The following FBXO11 variants were observed in gnomAD, a reference collection of about 807,000 sequenced individuals.
FBXO11 encodes the protein F-box only protein 11.
Under a neutral mutation model 117.0 loss-of-function variants are expected in FBXO11, and 13 were observed. That is an observed-to-expected ratio of 0.11 (90% CI 0.07 to 0.18). FBXO11 has a LOEUF of 0.18. Among genes scored for constraint, FBXO11 ranks in the 10% least tolerant of loss-of-function variants. The pLI is 1.00. For missense variants in FBXO11, 767 were observed against 1,164.4 expected, an observed-to-expected ratio of 0.66 and a Z score of 4.97; for synonymous variants, 490 against 380.5, an observed-to-expected ratio of 1.29 and a Z score of -3.35.
At chr2:47,827,713 T>C (rs1671864168) in intron 11 of FBXO11, among the ~76,000 whole-genome samples, 1 of 149,498 alleles carries the variant, frequency 6.7e-6, no homozygotes, top group Non-Finnish European at 1.5e-5. Context: ...TTTTTTTTTT[T>C]TTTGAGGTGG....
intron 1 of FBXO11, chr2:47,888,779 A>C: frequency 2.9e-6 from 1 of 345,084 alleles, no homozygotes; most frequent in Non-Finnish European, 4.1e-6. Context: ...CAGAACCTCA[A>C]CTGTAGCCCC....
chr2:47,838,836 A>G (rs750195427), intron 4 of FBXO11, 23 bp downstream of exon 4: 4 of 1,598,948 alleles, frequency 2.5e-6, no homozygotes, highest in Non-Finnish European at 3.4e-6. Flanking sequence ...TCTCAAGTTA[A>G]TAAGGAATAG....
chr2:47,863,682 T>TG (rs1467530672), intron 1 of FBXO11, among the ~76,000 whole-genome samples: 1 of 152,216 alleles, frequency 6.6e-6, no homozygotes, highest in African/African-American at 2.4e-5. Context: ...CCGGGTGCGG[T>TG]GGCTCATGCC....
intron 1 of FBXO11, among the ~76,000 whole-genome samples, chr2:47,859,054 A>AAAG (rs1674547700): frequency 6.7e-6 from 1 of 150,372 alleles, no homozygotes; most frequent in East Asian, 1.9e-4. Flanking sequence ...AAAAAAAAAA[A>AAAG]AAAAGAAAAG....
At chr2:47,890,262 T>C (rs1277876369) in intron 1 of FBXO11, among the ~76,000 whole-genome samples, 1 of 152,080 alleles carries the variant, frequency 6.6e-6, no homozygotes, top group African/African-American at 2.4e-5. Context: ...CCATGGTGAG[T>C]GGACTAATTT....
At chr2:47,856,732 T>C (rs541255181) in intron 1 of FBXO11, among the ~76,000 whole-genome samples, 1 of 152,304 alleles carries the variant, frequency 6.6e-6, no homozygotes, top group African/African-American at 2.4e-5. Context: ...ACTTCAACAA[T>C]CAACCTACAT....
Position 47,905,545 on chromosome 2 carries a change from G to A in FBXO11, c.176C>T (p.Pro59Leu). The change falls in exon 1 of 23, where the codon CCG becomes CTG. Residue 59 changes from proline to leucine, a missense_variant. Transcript: ENST00000403359. ...CAGCGGCGGAGGCGGCGGTGGCGGC[G>A]GCGGAGGCTGCTGCTGCTGCTGCTG... Reference protein sequence around the residue: ...PQQQQQQQPPPPPPPPPPLPQ... With the variant: ...PQQQQQQQPPLPPPPPPPLPQ... 2 of 1,241,118 alleles carry A rather than the reference G, an allele frequency of 1.6e-6. No homozygotes were observed. Among genetic ancestry groups the A allele is most frequent in the Non-Finnish European group, 1.0e-6 (1 of 995,154 alleles). The allele number at this position is 1,241,118 out of a possible 1,614,324, so 76.9% of individuals were successfully genotyped here.
chr2:47,815,154 T>C (rs1670920974), intron 16 of FBXO11, among the ~76,000 whole-genome samples: 1 of 152,236 alleles, frequency 6.6e-6, no homozygotes, highest in African/African-American at 2.4e-5. Context: ...TAATTTTTTT[T>C]TGTCCTGGCC....
intron 14 of FBXO11, among the ~76,000 whole-genome samples, chr2:47,819,460 C>T (rs966047046): frequency 4.6e-5 from 7 of 152,148 alleles, no homozygotes; most frequent in Admixed American, 1.3e-4. Context: ...GTGATCCACC[C>T]GCGTTGGCCT....
At chr2:47,883,864 T>C in intron 1 of FBXO11, 1 of 183,406 alleles carries the variant, frequency 5.5e-6, no homozygotes. Context: ...TGACAGATAT[T>C]ATTGTGGCAA....
At chr2:47,809,751 G>A (rs376248060) in intron 19 of FBXO11, 44 bp from the exon 20 acceptor site, 2 of 1,320,296 alleles carry the variant, frequency 1.5e-6, no homozygotes, top group Non-Finnish European at 2.2e-6. Flanking sequence ...ACTTTATACT[G>A]CTTCTTAAAA....
intron 1 of FBXO11, among the ~76,000 whole-genome samples, chr2:47,861,900 A>C (rs548235294): frequency 6.7e-6 from 1 of 150,014 alleles, no homozygotes; most frequent in Non-Finnish European, 1.5e-5. Context: ...TTGTCATGTA[A>C]GGTTAAGTTT....
chr2:47,869,751 GT>G (rs1675480430), intron 1 of FBXO11, among the ~76,000 whole-genome samples: 2 of 152,336 alleles, frequency 1.3e-5, no homozygotes, highest in South Asian at 2.1e-4. Context: ...CCACTCACGT[GT>G]TTTGCATCCT....
intron 1 of FBXO11, among the ~76,000 whole-genome samples, chr2:47,856,008 G>A (rs1674266420): frequency 6.6e-6 from 1 of 152,204 alleles, no homozygotes; most frequent in African/African-American, 2.4e-5. Context: ...CTACTCAGGA[G>A]GCTGAGGCAG....
chr2:47,832,560 A>G lies in FBXO11; in HGVS notation c.1260+12T>C, dbSNP rs1022385043. On this transcript the variant is annotated intron_variant, in intron 10 of 22. Coordinates refer to ENST00000403359, the MANE Select transcript of FBXO11 (RefSeq NM_001190274.2). ...TCTAAAAAGAAAAAAACCACACAAA[A>G]TTAAAAAATACCTGTGCATGATCTG... is the stretch of plus-strand genomic sequence containing the variant. 2 of 1,607,414 alleles carry G rather than the reference A, an allele frequency of 1.2e-6. No homozygotes were observed. Among genetic ancestry groups the G allele is most frequent in the Non-Finnish European group, 1.7e-6 (2 of 1,177,630 alleles).
chr2:47,904,868 C>G (rs1246498776), intron 1 of FBXO11, among the ~76,000 whole-genome samples: 1 of 152,012 alleles, frequency 6.6e-6, no homozygotes, highest in East Asian at 1.9e-4. Context: ...ACAAACTGCG[C>G]AGCAAACACT....
At chr2:47,900,999 G>T (rs1195013735) in intron 1 of FBXO11, among the ~76,000 whole-genome samples, 1 of 142,254 alleles carries the variant, frequency 7.0e-6, no homozygotes, top group South Asian at 2.2e-4. Flanking sequence ...AATATTGCCG[G>T]TGGGGAGATA....
At chr2:47,856,166 G>A (rs1452133725) in intron 1 of FBXO11, among the ~76,000 whole-genome samples, 4 of 152,130 alleles carry the variant, frequency 2.6e-5, no homozygotes, top group Non-Finnish European at 5.9e-5. Flanking sequence ...GAAAATGCAA[G>A]TACAACAAAG....
intron 1 of FBXO11, among the ~76,000 whole-genome samples, chr2:47,871,209 C>T (rs976818635): frequency 1.3e-5 from 2 of 152,176 alleles, no homozygotes; most frequent in African/African-American, 2.4e-5. Flanking sequence ...GACAAAGCCA[C>T]GTGCCCTATC....
Sources: gnomAD v4.1 joint callset for allele counts (sites outside exome capture counted in the v4.1 genomes callset) on GRCh38, gnomAD v4.1.1 for gene constraint, MANE v1.5 for transcripts, NCBI Gene and HGNC (gene_info 2026-07-23, HGNC 2026-07-21) for gene names.